The following GOLGA5 variants were observed in gnomAD, a reference collection of about 807,000 sequenced individuals.
GOLGA5 encodes golgin A5.
A neutral mutation model predicts 93.5 loss-of-function variants in GOLGA5; 50 were observed. That is an observed-to-expected ratio of 0.53 (90% CI 0.43 to 0.68). The LOEUF (loss-of-function observed/expected upper bound fraction) is 0.68, where lower values mean the gene tolerates loss of function less well. GOLGA5 is among the 30% of genes least tolerant of loss of function. The probability of loss-of-function intolerance (pLI) is 0.00; values close to 1 mark genes in which losing one functional copy is unlikely to be tolerated. For synonymous variants in GOLGA5, 312 were observed against 304.5 expected, an observed-to-expected ratio of 1.02 and a Z score of -0.26; for missense variants, 760 against 856.4, an observed-to-expected ratio of 0.89 and a Z score of 1.40.
In GOLGA5 at chr14:92,797,738, G is replaced by T. The variant is rs1399671553; in HGVS notation, c.301G>T (p.Ala101Ser). The stretch of plus-strand genomic sequence containing the variant: ...AGAGGCCTCTCATCCTGTTGAAAAT[G>T]CATCTGTTCCTAGGCCTTCATCCCA... Reference protein sequence around the residue: ...PVEASHPVENASVPRPSSHFV... With the variant: ...PVEASHPVENSSVPRPSSHFV... Residue 101 changes from alanine (A) to serine (S), a missense_variant, in exon 2 of 13, where the codon GCA (alanine) becomes TCA (serine). Coordinates refer to ENST00000163416, the MANE Select transcript of GOLGA5 (RefSeq NM_005113.4). The T allele has an allele frequency of 6.2e-7, 1 of 1,613,692 alleles. No homozygotes were observed. Among genetic ancestry groups the T allele is most frequent in the Admixed American group, 1.7e-5 (1 of 59,950 alleles).
At chr14:92,796,336 GC>G (rs1884726790) in intron 1 of GOLGA5, among the ~76,000 whole-genome samples, 1 of 152,138 alleles carries the variant, frequency 6.6e-6, no homozygotes, top group African/African-American at 2.4e-5. Flanking sequence ...AGATTGATTG[GC>G]TGGGCCAACA....
chr14:92,809,255 T>C (rs1885055006), intron 3 of GOLGA5, 45 bp from the exon 4 acceptor site: 3 of 1,306,774 alleles, frequency 2.3e-6, no homozygotes, highest in African/African-American at 1.5e-5. Context: ...CTGAGAAAAA[T>C]GTGTTTGGTT....
Position 92,811,551 on chromosome 14 carries a change from A to G in GOLGA5, c.1117A>G (p.Ser373Gly), listed in dbSNP as rs984132946. ...ATTATGATATAAAAATTTGTCACAG[A>G]GCGAGTTTGCTGCACGCCTTAATAA... is the stretch of plus-strand genomic sequence containing the variant. ...REQESYKQMQ[S>G]EFAARLNKVE... Residue 373 changes from serine to glycine, a missense_variant and splice_region_variant, in exon 6 of 13, where the codon AGC becomes GGC. Transcript: ENST00000163416. The G allele has an allele frequency of 1.3e-6, 2 of 1,598,322 alleles. No individual in the cohort carries two copies. The highest frequency in any genetic ancestry group is 1.7e-6 in the Non-Finnish European group (2 of 1,165,752).
intron 10 of GOLGA5, among the ~76,000 whole-genome samples, chr14:92,835,119 T>C (rs1206325222): frequency 6.6e-6 from 1 of 152,116 alleles, no homozygotes; most frequent in East Asian, 1.9e-4. Flanking sequence ...TTAGGCAGGC[T>C]TTGGGGTGCC....
intron 4 of GOLGA5, among the ~76,000 whole-genome samples, chr14:92,810,050 T>C (rs762934966): frequency 2.6e-5 from 4 of 152,254 alleles, no homozygotes; most frequent in Non-Finnish European, 5.9e-5. Context: ...GTGTCATTAA[T>C]CTTTCATTAT....
intron 9 of GOLGA5, among the ~76,000 whole-genome samples, chr14:92,829,415 G>A (rs147240833): frequency 3.2e-3 from 483 of 152,224 alleles, no homozygotes; most frequent in Middle Eastern, 0.014. Context: ...GAGGAGGCCA[G>A]AATATCAACA....
intron 11 of GOLGA5, 45 bp from the exon 12 acceptor site, chr14:92,837,341 G>T (rs190646109): frequency 1.1e-6 from 1 of 919,278 alleles, no homozygotes; most frequent in African/African-American, 1.7e-5. Flanking sequence ...TGTTTTGACT[G>T]TGACTCTTCT....
chr14:92,811,435 C>T lies in GOLGA5; in HGVS notation c.1117-116C>T, dbSNP rs895276393. The T allele has an allele frequency of 5.6e-6, 4 of 713,848 alleles. No homozygotes were observed. The Admixed American group carries it at 8.2e-5, about 15-fold the overall frequency. The allele number at this position is 713,848 out of a possible 1,614,324, so 44.2% of individuals were successfully genotyped here. A position where few individuals can be genotyped will look rare whatever the true frequency, so the allele number is the denominator to read the frequency against. On this transcript the variant is annotated intron_variant, in intron 5 of 12. Coordinates refer to ENST00000163416, the MANE Select transcript of GOLGA5 (RefSeq NM_005113.4). The stretch of plus-strand genomic sequence containing the variant: ...AACAAATTAAGAATTTTTTCCCATC[C>T]CTACTATGTTGTTTGGCTGAGCTAA...
chr14:92,796,976 C>CAAAA (rs71123379), intron 1 of GOLGA5, among the ~76,000 whole-genome samples: 2 of 73,682 alleles, frequency 2.7e-5, no homozygotes, highest in African/African-American at 5.6e-5. Flanking sequence ...GACTCCGTCT[C>CAAAA]AAAAAAAAAA....
chr14:92,837,498 G>GTT (rs557995443), intron 12 of GOLGA5, 49 bp downstream of exon 12: 52 of 642,758 alleles, frequency 8.1e-5, no homozygotes, highest in Middle Eastern at 2.5e-4. Flanking sequence ...TTTTTAACTA[G>GTT]TTTTTTTTTT....
chr14:92,833,757 A>G (rs1885579034), intron 10 of GOLGA5, among the ~76,000 whole-genome samples: 1 of 152,230 alleles, frequency 6.6e-6, no homozygotes, highest in African/African-American at 2.4e-5. Flanking sequence ...TAGATTCCCA[A>G]CATATGTAAT....
chr14:92,806,317 G>A (rs998431102), intron 2 of GOLGA5, among the ~76,000 whole-genome samples: 2 of 152,034 alleles, frequency 1.3e-5, no homozygotes, highest in East Asian at 3.9e-4. Flanking sequence ...GTTTATTTAT[G>A]TATTTTTTTT....
At position 92,797,956 on chromosome 14, in the gene GOLGA5, A is replaced by C; in HGVS notation, c.519A>C (p.Glu173Asp). Residue 173 changes from glutamate (E) to aspartate (D), a missense_variant, in exon 2 of 13, where the codon GAA (glutamate) becomes GAC (aspartate). Transcript: ENST00000163416. ...PSVTTIKTIE[E>D]NSFGSQTHEA... ...TAACCACCATCAAAACCATTGAAGA[A>C]AATTCTTTTGGGAGCCAAACCCACG... 4 of 1,588,170 alleles carry C rather than the reference A, an allele frequency of 2.5e-6. No homozygotes were observed. The South Asian group carries it at 3.5e-5, about 14-fold the overall frequency.
At chr14:92,835,504 AT>A in intron 10 of GOLGA5, 54 bp from the exon 11 acceptor site, 1 of 1,215,904 alleles carries the variant, frequency 8.2e-7, no homozygotes, top group East Asian at 2.4e-5. Context: ...TCCAATTATA[AT>A]TGTCTTAGTT....
At chr14:92,834,032 A>T (rs1350360795) in intron 10 of GOLGA5, among the ~76,000 whole-genome samples, 1 of 150,592 alleles carries the variant, frequency 6.6e-6, no homozygotes, top group African/African-American at 2.4e-5. Context: ...TTTATTTGTA[A>T]TTGTTAATTA....
rs564863576 is a variant in GOLGA5 at position 92,821,325 on chromosome 14, G to A, written c.1620+1489G>A. On this transcript the variant is annotated intron_variant, in intron 8 of 12. Transcript: ENST00000163416. ...TATACAGACTCTTCTAACAAATCAT[G>A]TTTAAAATTATATTTCATTGTTCAA... is the stretch of plus-strand genomic sequence containing the variant. 4.6e-5 allele frequency among the ~76,000 whole-genome samples: 7 copies of A among 152,180 alleles called. No homozygotes were observed. The South Asian group carries it at 8.3e-4, about 18-fold the overall frequency.
At chr14:92,827,269 C>G (rs1216745488) in intron 9 of GOLGA5, among the ~76,000 whole-genome samples, 1 of 151,456 alleles carries the variant, frequency 6.6e-6, no homozygotes, top group African/African-American at 2.4e-5. Context: ...TCAAGCAAGT[C>G]TGTCCACACC....
In GOLGA5 at chr14:92,799,740, G is replaced by C. The variant is rs542460829; in HGVS notation, c.544+1759G>C. Among the ~76,000 whole-genome samples the C allele has an allele frequency of 3.2e-4, 49 of 152,154 alleles. No homozygotes were observed. In the Middle Eastern group the frequency reaches 0.031, roughly 95 times the overall value. ...TCCATTTCAGCCTCCCGAGTAGCTG[G>C]GACTATAGGTGTGCACCACCACCCT... On this transcript the variant is annotated intron_variant, in intron 2 of 12. Coordinates refer to ENST00000163416, the MANE Select transcript of GOLGA5 (RefSeq NM_005113.4).
rs117283489 is a variant in GOLGA5, at chr14:92,828,834, A to G, written c.1719+4190A>G. Reference sequence around the variant, plus strand: ...CAGGTGCATGCCAGCACACTGGGCTAATTTTTGTATTTTTGGTAGAGATGG... The same window carrying G: ...CAGGTGCATGCCAGCACACTGGGCTGATTTTTGTATTTTTGGTAGAGATGG... On this transcript the variant is annotated intron_variant, in intron 9 of 12. Coordinates refer to ENST00000163416, the MANE Select transcript of GOLGA5 (RefSeq NM_005113.4). Among the ~76,000 whole-genome samples the G allele has an allele frequency of 6.2e-3, 950 of 152,104 alleles. 14 individuals are homozygous for G. The highest frequency in any genetic ancestry group is 0.062 in the South Asian group (296 of 4,810).
Sources: allele counts gnomAD v4.1 joint callset (sites outside exome capture counted in the v4.1 genomes callset), GRCh38; gene constraint gnomAD v4.1.1; transcripts MANE v1.5; gene names NCBI Gene and HGNC (gene_info 2026-07-23, HGNC 2026-07-21).